CELF1: variants seen among roughly 807,000 people sequenced by gnomAD.
The protein encoded by CELF1 is 50 kDa nuclear polyadenylated RNA-binding protein.
In CELF1, 10 loss-of-function variants were observed where a neutral mutation model predicts 61.8. That is an observed-to-expected ratio of 0.16 (90% CI 0.10 to 0.27). The LOEUF is 0.27. Among genes scored for constraint, CELF1 ranks in the 10% least tolerant of loss-of-function variants. CELF1 has a pLI of 1.00. For synonymous variants in CELF1, 236 were observed against 225.1 expected (o/e 1.05, Z -0.43); for missense variants, 380 against 639.1 (o/e 0.59, Z 4.37).
At chr11:47,501,514 A>G (rs1017504671) in intron 1 of CELF1, among the ~76,000 whole-genome samples, 6 of 152,188 alleles carry the variant, frequency 3.9e-5, no homozygotes, top group African/African-American at 1.4e-4. Flanking sequence ...CAGGCTTTAA[A>G]AAGGCTGAGC....
intron 6 of CELF1, 60 bp from the exon 7 acceptor site, chr11:47,484,583 G>A (rs2085463299): frequency 6.7e-7 from 1 of 1,500,698 alleles, no homozygotes; most frequent in African/African-American, 1.4e-5. Context: ...ATGTGGCACA[G>A]ATTTGGGAGC....
At chr11:47,488,747 AT>A (rs1411478023) in intron 4 of CELF1, 89 bp downstream of exon 4, 43 of 1,063,110 alleles carry the variant, frequency 4.0e-5, no homozygotes, top group Non-Finnish European at 5.3e-5. Context: ...TAAAAATCCA[AT>A]TTTTTGTATC....
At position 47,472,213 on chromosome 11, in the gene CELF1, C is replaced by T. The variant is rs778722370; in HGVS notation, c.*17G>A. 3 of 1,613,092 alleles carry T rather than the reference C, an allele frequency of 1.9e-6. No homozygotes were observed. Among genetic ancestry groups the T allele is most frequent in the East Asian group, 4.5e-5 (2 of 44,876 alleles). ...TACCAGAAGACCCTCTCACTCCAGT[C>T]TCAGAGGGGAGCACGCTCAGTAGGG... is the stretch of plus-strand genomic sequence containing the variant. On this transcript the variant is annotated 3_prime_UTR_variant, in exon 15 of 15. Coordinates refer to ENST00000687097, the MANE Select transcript of CELF1 (RefSeq NM_001376376.1).
chr11:47,476,484 G>A (rs1340989847), intron 12 of CELF1, among the ~76,000 whole-genome samples: 1 of 152,084 alleles, frequency 6.6e-6, no homozygotes, highest in African/African-American at 2.4e-5. Flanking sequence ...GGAGTGCAGT[G>A]GCGCAATCTT....
chr11:47,529,955 T>C (rs551872734), intron 1 of CELF1, among the ~76,000 whole-genome samples: 11 of 152,318 alleles, frequency 7.2e-5, no homozygotes, highest in African/African-American at 2.2e-4. Context: ...AGAACAGCTA[T>C]TGCCTTATGC....
At chr11:47,488,268 G>T (rs1158138924) in intron 4 of CELF1, among the ~76,000 whole-genome samples, 1 of 152,294 alleles carries the variant, frequency 6.6e-6, no homozygotes, top group Admixed American at 6.5e-5. Flanking sequence ...ACTCTGCTAG[G>T]CAATTCTGGA....
At chr11:47,512,776 A>G (rs571332092) in intron 1 of CELF1, among the ~76,000 whole-genome samples, 15 of 152,162 alleles carry the variant, frequency 9.9e-5, no homozygotes, top group Non-Finnish European at 2.1e-4. Flanking sequence ...GCCTAGCTCA[A>G]TAAGTAAGTT....
intron 1 of CELF1, among the ~76,000 whole-genome samples, chr11:47,542,443 T>C (rs1329722117): frequency 1.3e-5 from 2 of 151,976 alleles, no homozygotes; most frequent in Non-Finnish European, 2.9e-5. Context: ...GTGAGATCCA[T>C]TAGGTATCAA....
At chr11:47,517,433 TTAAA>T (rs2095619034) in intron 1 of CELF1, among the ~76,000 whole-genome samples, 2 of 152,262 alleles carry the variant, frequency 1.3e-5, no homozygotes, top group Admixed American at 1.3e-4. Flanking sequence ...TTGAAGGCTA[TTAAA>T]TACAGTATAA....
intron 11 of CELF1, 151 bp downstream of exon 11, chr11:47,477,146 A>T: frequency 1.1e-6 from 1 of 944,032 alleles, no homozygotes; most frequent in East Asian, 2.5e-5. Flanking sequence ...ATTTCTCTTA[A>T]GTACAAAAGA....
At chr11:47,515,566 T>C (rs2095508543) in intron 1 of CELF1, among the ~76,000 whole-genome samples, 1 of 152,204 alleles carries the variant, frequency 6.6e-6, no homozygotes, top group African/African-American at 2.4e-5. Context: ...CATATGTTAG[T>C]ACCATGTAGG....
intron 1 of CELF1, among the ~76,000 whole-genome samples, chr11:47,549,280 A>G (rs2097070253): frequency 6.6e-6 from 1 of 152,184 alleles, no homozygotes; most frequent in South Asian, 2.1e-4. Flanking sequence ...AAAATTAAAA[A>G]CAGAATTATC....
chr11:47,547,087 AAAAAAAG>A, intron 1 of CELF1, among the ~76,000 whole-genome samples: 1 of 149,886 alleles, frequency 6.7e-6, no homozygotes, highest in South Asian at 2.1e-4. Context: ...AAAAAAAAAA[AAAAAAAG>A]AAAGAAAGAA....
Position 47,488,815 on chromosome 11 carries a change from A to C in CELF1, c.259+22T>G. 2.1e-6 allele frequency: 3 copies of C among 1,421,218 alleles called. No individual in the cohort carries two copies. In the East Asian group the frequency reaches 8.0e-5, roughly 38 times the overall value. 88.0% of individuals were successfully genotyped at this position (1,421,218 alleles called of 1,614,324 possible). The stretch of plus-strand genomic sequence containing the variant: ...GAGAGTCAGTGGAAAAAATAAGATA[A>C]ACCAAAACCCAAAGCCCTAACCTTT... On this transcript the variant is annotated intron_variant, in intron 4 of 14. Coordinates refer to ENST00000687097, the MANE Select transcript of CELF1 (RefSeq NM_001376376.1).
At chr11:47,558,136 C>T (rs554383838) in intron 2 of CELF1, among the ~76,000 whole-genome samples, 1 of 152,054 alleles carries the variant, frequency 6.6e-6, no homozygotes, top group Non-Finnish European at 1.5e-5. Flanking sequence ...GGATTATAGG[C>T]GTGAGCCACC....
chr11:47,473,074 A>G lies in CELF1; in HGVS notation c.1417+14T>C. On this transcript the variant is annotated intron_variant, in intron 14 of 14. Coordinates refer to ENST00000687097, the MANE Select transcript of CELF1 (RefSeq NM_001376376.1). ...TACTAATCCCATCCTGACACCAGAG[A>G]GAAGCCAACATACCAAAACACTTGC... is the stretch of plus-strand genomic sequence containing the variant. 6.2e-7 allele frequency: 1 copy of G among 1,612,626 alleles called. No individual in the cohort carries two copies. Among genetic ancestry groups the G allele is most frequent in the Non-Finnish European group, 8.5e-7 (1 of 1,179,354 alleles).
At chr11:47,560,333 G>A (rs1189885864) in intron 2 of CELF1, among the ~76,000 whole-genome samples, 1 of 152,088 alleles carries the variant, frequency 6.6e-6, no homozygotes, top group Non-Finnish European at 1.5e-5. Flanking sequence ...AGAATCGCCT[G>A]AACCCAGGAG....
At chr11:47,539,823 C>A (rs987102596) in intron 1 of CELF1, among the ~76,000 whole-genome samples, 1 of 152,178 alleles carries the variant, frequency 6.6e-6, no homozygotes, top group Non-Finnish European at 1.5e-5. Context: ...ATGCTTCTTT[C>A]CAGATGAAAT....
intron 1 of CELF1, among the ~76,000 whole-genome samples, chr11:47,536,581 G>A (rs961551249): frequency 3.3e-5 from 5 of 152,012 alleles, no homozygotes; most frequent in African/African-American, 4.8e-5. Flanking sequence ...AGCCAACATG[G>A]CGAAAACCCG....
Sources: gnomAD v4.1 joint callset for allele counts (sites outside exome capture counted in the v4.1 genomes callset) on GRCh38, gnomAD v4.1.1 for gene constraint, MANE v1.5 for transcripts, NCBI Gene and HGNC (gene_info 2026-07-23, HGNC 2026-07-21) for gene names.